Variants in ZFAT observed in about 807,000 individuals in gnomAD.
ZFAT encodes the protein zinc finger protein ZFAT.
In ZFAT, 64 loss-of-function variants were observed where a neutral mutation model predicts 117.7. That is an observed-to-expected ratio of 0.54 (90% confidence interval 0.44 to 0.67). The LOEUF (loss-of-function observed/expected upper bound fraction) is 0.67. Among genes scored for constraint, ZFAT ranks in the 30% least tolerant of loss-of-function variants. The pLI is 0.00. For missense variants in ZFAT, 1,433 were observed against 1,584.5 expected (o/e 0.90, Z 1.62); for synonymous variants, 679 against 615.0 (o/e 1.10, Z -1.54).
chr8:134,501,076 C>T (rs73709613), intron 15 of ZFAT, among the ~76,000 whole-genome samples: 30,778 of 152,120 alleles, frequency 0.2, 3,402 homozygotes, highest in Non-Finnish European at 0.25. Flanking sequence ...GGGAAAAAAA[C>T]AAAGTCATCA....
chr8:134,805,857 G>A, the ZFAT span, among the ~76,000 whole-genome samples: 6 of 151,860 alleles, frequency 4.0e-5, no homozygotes, highest in Non-Finnish European at 7.4e-5. Flanking sequence ...TGGTGCATGC[G>A]GTCCCAGCTA....
chr8:134,586,520 G>C (rs1416638579), intron 9 of ZFAT, among the ~76,000 whole-genome samples: 6 of 152,218 alleles, frequency 3.9e-5, no homozygotes, highest in Non-Finnish European at 7.3e-5. Flanking sequence ...TACAATTACA[G>C]TTTGATGCCT....
the ZFAT span, among the ~76,000 whole-genome samples, chr8:134,764,532 T>C: frequency 6.6e-6 from 1 of 152,268 alleles, no homozygotes; most frequent in South Asian, 2.1e-4. Context: ...TCCTGGAAAA[T>C]AAATTAGATA....
At chr8:134,645,207 T>C (rs1830812870) in intron 2 of ZFAT, among the ~76,000 whole-genome samples, 1 of 152,184 alleles carries the variant, frequency 6.6e-6, no homozygotes. Context: ...ACCAAAATAA[T>C]AAATCAATTA....
chr8:134,788,980 CA>C, the ZFAT span, among the ~76,000 whole-genome samples: 1 of 152,064 alleles, frequency 6.6e-6, no homozygotes, highest in East Asian at 1.9e-4. Context: ...CTCTTGTAAG[CA>C]ACATGTAGTA....
chr8:134,577,192 T>A (rs533849424), intron 10 of ZFAT, among the ~76,000 whole-genome samples: 7 of 152,356 alleles, frequency 4.6e-5, no homozygotes, highest in African/African-American at 1.4e-4. Flanking sequence ...GAGCCCTTTA[T>A]AGATCAATTT....
At chr8:134,600,773 C>T (rs185442799) in intron 6 of ZFAT, 105 bp from the exon 7 acceptor site, 47 of 947,596 alleles carry the variant, frequency 5.0e-5, no homozygotes, top group Middle Eastern at 6.5e-4. Context: ...CTCCCTCTTG[C>T]GCTTGTCCGG....
chr8:134,682,587 G>A (rs553854910), intron 1 of ZFAT, among the ~76,000 whole-genome samples: 4 of 152,310 alleles, frequency 2.6e-5, no homozygotes, highest in South Asian at 2.1e-4. Flanking sequence ...CCTGGAAGGC[G>A]GAGGTTGCAG....
At chr8:134,761,293 G>A in the ZFAT span, among the ~76,000 whole-genome samples, 34 of 152,090 alleles carry the variant, frequency 2.2e-4, no homozygotes, top group African/African-American at 7.2e-4. Flanking sequence ...TATGATGGGA[G>A]GGAAGACAGA....
chr8:134,719,943 C>A, the ZFAT span, among the ~76,000 whole-genome samples: 1 of 152,312 alleles, frequency 6.6e-6, no homozygotes, highest in Non-Finnish European at 1.5e-5. Flanking sequence ...CTAGTGTAAT[C>A]CCCTCTGACA....
Position 134,706,990 on chromosome 8 carries a change from T to C in ZFAT, c.19+5855A>G, listed in dbSNP as rs377153032. 1.4e-4 allele frequency among the ~76,000 whole-genome samples: 22 copies of C among 152,172 alleles called. 1 individual carries two copies. The East Asian group carries it at 2.5e-3, about 17-fold the overall frequency. ...TGTTATCTTCCTGTCCCTCAACATT[T>C]CCAAGATAAAGTCCTGACAGCTTCC... On this transcript the variant is annotated intron_variant, in intron 1 of 15. Transcript: ENST00000377838.
chr8:134,543,627 A>G (rs993888673), intron 11 of ZFAT, among the ~76,000 whole-genome samples: 1 of 152,190 alleles, frequency 6.6e-6, no homozygotes, highest in African/African-American at 2.4e-5. Flanking sequence ...GGCTCTGTGT[A>G]TCTTCCCCTC....
At chr8:134,597,815 T>G (rs2130907904) in intron 7 of ZFAT, 1 of 152,310 alleles carries the variant, frequency 6.6e-6, no homozygotes, top group South Asian at 2.1e-4. Context: ...AGATTGAAGT[T>G]AAACTTACAA....
chr8:134,830,976 A>C, the ZFAT span, among the ~76,000 whole-genome samples: 1 of 152,228 alleles, frequency 6.6e-6, no homozygotes, highest in Non-Finnish European at 1.5e-5. Context: ...GGTTATTCAC[A>C]ATCAGCACAG....
chr8:134,491,115 A>G (rs1289343547), intron 15 of ZFAT, among the ~76,000 whole-genome samples: 7 of 152,238 alleles, frequency 4.6e-5, no homozygotes, highest in African/African-American at 1.7e-4. Flanking sequence ...AATAAACAAT[A>G]ACAACAACCT....
chr8:134,677,026 A>C (rs1832839378), intron 1 of ZFAT, among the ~76,000 whole-genome samples: 1 of 152,234 alleles, frequency 6.6e-6, no homozygotes, highest in South Asian at 2.1e-4. Flanking sequence ...CTAACATCAC[A>C]ATTAAAAGAA....
chr8:134,524,452 T>G (rs1820880085), intron 12 of ZFAT, among the ~76,000 whole-genome samples: 1 of 152,194 alleles, frequency 6.6e-6, no homozygotes, highest in South Asian at 2.1e-4. Context: ...AGATTATAAA[T>G]TTAAACTAGA....
intron 15 of ZFAT, among the ~76,000 whole-genome samples, chr8:134,506,102 C>T (rs1282667400): frequency 1.3e-5 from 2 of 152,214 alleles, no homozygotes; most frequent in African/African-American, 4.8e-5. Context: ...CTAATTTTGA[C>T]TCAGAGATGC....
At chr8:134,789,833 T>C in the ZFAT span, among the ~76,000 whole-genome samples, 1 of 152,242 alleles carries the variant, frequency 6.6e-6, no homozygotes, top group Non-Finnish European at 1.5e-5. Context: ...CTTGGCCATT[T>C]ATTGCTTCCA....
Sources: gnomAD v4.1 joint callset for allele counts (sites outside exome capture counted in the v4.1 genomes callset) on GRCh38, gnomAD v4.1.1 for gene constraint, MANE v1.5 for transcripts, NCBI Gene and HGNC (gene_info 2026-07-23, HGNC 2026-07-21) for gene names.